The following AGBL4 variants were observed in gnomAD, a reference collection of about 807,000 sequenced individuals.
AGBL4 encodes cytosolic carboxypeptidase 6.
Under a neutral mutation model 66.4 loss-of-function variants are expected in AGBL4, and 58 were observed. The observed-to-expected ratio is 0.87, with a 90% CI of 0.71 to 1.09. The LOEUF (loss-of-function observed/expected upper bound fraction) is 1.09, where lower values mean the gene tolerates loss of function less well. AGBL4 is among the 50% of genes least tolerant of loss of function. The pLI is 0.00. For synonymous variants in AGBL4, 234 were observed against 222.9 expected, an observed-to-expected ratio of 1.05 and a Z score of -0.44; for missense variants, 579 against 631.0, an observed-to-expected ratio of 0.92 and a Z score of 0.88.
At chr1:48,528,457 A>C (rs1439795208), downstream of AGBL4, among the ~76,000 whole-genome samples, 1 of 152,146 alleles carries the variant, frequency 6.6e-6, no homozygotes, top group Non-Finnish European at 1.5e-5. Flanking sequence ...AATTTTAAGC[A>C]CTAAGGAGTT....
chr1:49,570,390 T>C (rs1644302719), intron 3 of AGBL4, among the ~76,000 whole-genome samples: 1 of 152,168 alleles, frequency 6.6e-6, no homozygotes, highest in Non-Finnish European at 1.5e-5. Flanking sequence ...TAAAAATGTC[T>C]GCATAAACAT....
intron 1 of AGBL4, among the ~76,000 whole-genome samples, chr1:49,911,938 G>C (rs1650876504): frequency 6.6e-6 from 1 of 152,216 alleles, no homozygotes; most frequent in African/African-American, 2.4e-5. Flanking sequence ...TGCTTGCACA[G>C]GGACCTGTAT....
At chr1:48,665,451 A>G (rs1487390765) in intron 6 of AGBL4, among the ~76,000 whole-genome samples, 1 of 152,196 alleles carries the variant, frequency 6.6e-6, no homozygotes, top group African/African-American at 2.4e-5. Context: ...TTTATAAAGA[A>G]ATATCGACTC....
At chr1:49,494,315 T>G (rs1032987805) in intron 3 of AGBL4, among the ~76,000 whole-genome samples, 7 of 151,992 alleles carry the variant, frequency 4.6e-5, no homozygotes, top group Middle Eastern at 6.3e-3. Flanking sequence ...AGGGTACATG[T>G]GCACAATGTG....
intron 3 of AGBL4, among the ~76,000 whole-genome samples, chr1:49,481,064 G>A (rs71492614): frequency 6.6e-6 from 1 of 152,036 alleles, no homozygotes; most frequent in Non-Finnish European, 1.5e-5. Flanking sequence ...GGCAGGTAGC[G>A]TGATGCCTCC....
chr1:49,577,579 T>C (rs1644461351), intron 3 of AGBL4, among the ~76,000 whole-genome samples: 1 of 152,218 alleles, frequency 6.6e-6, no homozygotes, highest in South Asian at 2.1e-4. Context: ...TGGGCTTCCC[T>C]ATCCTGCACG....
At chr1:49,192,384 T>C (rs1647138006) in intron 4 of AGBL4, among the ~76,000 whole-genome samples, 1 of 152,202 alleles carries the variant, frequency 6.6e-6, no homozygotes, top group Non-Finnish European at 1.5e-5. Context: ...CTGCCACCTC[T>C]GCCTCCTGGG....
At position 48,617,519 on chromosome 1, in the gene AGBL4, T is replaced by C. The variant is rs1400935087; in HGVS notation, c.951+16974A>G. On this transcript the variant is annotated intron_variant, in intron 9 of 13. Transcript: ENST00000371839. Reference sequence around the variant, plus strand: ...ACTTTTCTTTTTTTAATCCATTCCTTCCCCAAAGGGACTCTCTAAACTATG... The same window carrying C: ...ACTTTTCTTTTTTTAATCCATTCCTCCCCCAAAGGGACTCTCTAAACTATG... Among the ~76,000 whole-genome samples the C allele has an allele frequency of 2.6e-5, 4 of 152,188 alleles. No homozygotes were observed. The East Asian group carries it at 5.8e-4, about 22-fold the overall frequency.
intron 3 of AGBL4, among the ~76,000 whole-genome samples, chr1:49,265,729 T>C (rs1643904062): frequency 6.6e-6 from 1 of 152,192 alleles, no homozygotes; most frequent in African/African-American, 2.4e-5. Context: ...ATAATGTACA[T>C]ATATACGTAC....
intron 2 of AGBL4, among the ~76,000 whole-genome samples, chr1:49,807,767 T>C (rs953807739): frequency 6.6e-6 from 1 of 152,196 alleles, no homozygotes; most frequent in Non-Finnish European, 1.5e-5. Flanking sequence ...TGAGACCTAA[T>C]CACTAATTTG....
At chr1:48,811,142 G>A (rs1646039700) in intron 6 of AGBL4, among the ~76,000 whole-genome samples, 1 of 148,552 alleles carries the variant, frequency 6.7e-6, no homozygotes, top group Non-Finnish European at 1.5e-5. Flanking sequence ...TTCCTCTGGA[G>A]CTCTGATTCT....
At chr1:49,391,204 G>A (rs1354544752) in intron 3 of AGBL4, among the ~76,000 whole-genome samples, 1 of 152,136 alleles carries the variant, frequency 6.6e-6, no homozygotes, top group African/African-American at 2.4e-5. Flanking sequence ...AATGAAGAAG[G>A]AGGCACAGGC....
At chr1:48,528,278 G>A (rs1390707958), downstream of AGBL4, among the ~76,000 whole-genome samples, 1 of 152,102 alleles carries the variant, frequency 6.6e-6, no homozygotes, top group African/African-American at 2.4e-5. Context: ...TGTGTGGGGA[G>A]AAAGACATAA....
chr1:48,776,656 C>T (rs1001187351), intron 6 of AGBL4: 28 of 1,480,714 alleles, frequency 1.9e-5, no homozygotes, highest in African/African-American at 6.0e-5. Flanking sequence ...GCCCCAGTCG[C>T]GGGGGGCGCG....
At chr1:49,488,483 A>G (rs1483206453) in intron 3 of AGBL4, among the ~76,000 whole-genome samples, 1 of 151,596 alleles carries the variant, frequency 6.6e-6, no homozygotes, top group Non-Finnish European at 1.5e-5. Flanking sequence ...AATGCATAAT[A>G]ATCACATCAG....
intron 8 of AGBL4, among the ~76,000 whole-genome samples, chr1:48,651,593 T>C (rs981229582): frequency 2.0e-5 from 3 of 152,184 alleles, no homozygotes; most frequent in Admixed American, 2.0e-4. Context: ...CAACAAGCCA[T>C]AAAACTTGCG....
chr1:49,335,348 G>A (rs1387727731), intron 3 of AGBL4, among the ~76,000 whole-genome samples: 10 of 151,918 alleles, frequency 6.6e-5, no homozygotes, highest in Admixed American at 3.9e-4. Flanking sequence ...TTCTCATCTG[G>A]ACCACTGCAA....
At chr1:49,494,358 C>T (rs1263291245) in intron 3 of AGBL4, among the ~76,000 whole-genome samples, 1 of 151,798 alleles carries the variant, frequency 6.6e-6, no homozygotes, top group East Asian at 1.9e-4. Context: ...ATGTGACATG[C>T]TGGTGCGCTG....
intron 4 of AGBL4, among the ~76,000 whole-genome samples, chr1:49,223,848 C>T (rs939842274): frequency 2.9e-4 from 44 of 152,196 alleles, no homozygotes; most frequent in African/African-American, 1.1e-3. Context: ...TTCTTCTCTT[C>T]CCCTTGATGT....
Sources: allele counts gnomAD v4.1 joint callset (sites outside exome capture counted in the v4.1 genomes callset), GRCh38; gene constraint gnomAD v4.1.1; transcripts MANE v1.5; gene names NCBI Gene and HGNC (gene_info 2026-07-23, HGNC 2026-07-21).